Variants in CEP43 observed in about 807,000 individuals in gnomAD.
The protein encoded by CEP43 is centrosomal protein 43.
In CEP43, 36 loss-of-function variants were observed where a neutral mutation model predicts 52.6. The ratio of observed to expected loss-of-function variants is 0.68; its 90% confidence interval spans 0.52 to 0.90. The LOEUF is 0.90. Among genes scored for constraint, CEP43 ranks in the 40% least tolerant of loss-of-function variants. The pLI is 0.00. For synonymous variants in CEP43, 192 were observed against 172.4 expected, an observed-to-expected ratio of 1.11 and a Z score of -0.89; for missense variants, 506 against 472.8, an observed-to-expected ratio of 1.07 and a Z score of -0.65.
intron 5 of CEP43, among the ~76,000 whole-genome samples, chr6:167,006,072 C>G (rs1368411656): frequency 6.6e-6 from 1 of 152,188 alleles, no homozygotes; most frequent in Non-Finnish European, 1.5e-5. Flanking sequence ...TCCTTATCTG[C>G]AACATGGAGA....
rs545377884 is a variant in CEP43, at chr6:167,002,716, A to G, written c.157-477A>G. Among the ~76,000 whole-genome samples, 60 of 152,318 alleles carry G rather than the reference A, an allele frequency of 3.9e-4. No homozygotes were observed. The South Asian group carries it at 0.011, about 29-fold the overall frequency. ...GATGGTCTAGAAGTATTTTTTCCATACTTATTCAAATAAATGTATAATTAC... is the reference window on the plus strand; with the variant it reads ...GATGGTCTAGAAGTATTTTTTCCATGCTTATTCAAATAAATGTATAATTAC... On this transcript the variant is annotated intron_variant, in intron 2 of 12. Coordinates refer to ENST00000366847, the MANE Select transcript of CEP43 (RefSeq NM_007045.4).
chr6:167,033,099 CTTTTTTTTTTTTTTT>C lies in CEP43; in HGVS notation c.1028+472_1028+486del, dbSNP rs71032896. ...TCTGCCCTAATAAGATTGCCATTCT[CTTTTTTTTTTTTTTT>C]TTTTTTTTTTTTTTGAGACAGAGTC... On this transcript the variant is annotated intron_variant, in intron 11 of 12. Coordinates refer to ENST00000366847, the MANE Select transcript of CEP43 (RefSeq NM_007045.4). 3.7e-4 allele frequency among the ~76,000 whole-genome samples: 25 copies of C among 68,352 alleles called. 1 individual carries two copies. Among genetic ancestry groups the C allele is most frequent in the Admixed American group, 3.4e-3 (13 of 3,794 alleles). The allele number at this position is 68,352 out of a possible 152,430, so 44.8% of individuals were successfully genotyped here. A position where few individuals can be genotyped will look rare whatever the true frequency, so the allele number is the denominator to read the frequency against.
chr6:167,027,860 T>C, intron 10 of CEP43: 4 of 985,530 alleles, frequency 4.1e-6, no homozygotes, highest in African/African-American at 1.7e-5. Context: ...TTTCCCCCCA[T>C]TTGCAGAAGA....
Position 167,028,241 on chromosome 6 carries a change from G to T in CEP43, c.988+1626G>T, listed in dbSNP as rs556977578. On this transcript the variant is annotated intron_variant, in intron 10 of 12. Transcript: ENST00000366847. ...GCTCTATTCTCTTACCAAAGCGAGGGTTTTCCCTCCTGTTTCTGAGTGGGG... is the reference window on the plus strand; with the variant it reads ...GCTCTATTCTCTTACCAAAGCGAGGTTTTTCCCTCCTGTTTCTGAGTGGGG... 343 of 985,372 alleles carry T rather than the reference G, an allele frequency of 3.5e-4. No homozygotes were observed. The African/African-American group carries it at 5.7e-3, about 16-fold the overall frequency. 61.0% of individuals were successfully genotyped at this position (985,372 alleles called of 1,614,324 possible). A position where few individuals can be genotyped will look rare whatever the true frequency, so the allele number is the denominator to read the frequency against.
At position 167,051,067 on chromosome 6, in the gene CEP43, G is replaced by A. The variant is rs1407586070; in HGVS notation, c.*11089G>A. 1.3e-5 allele frequency: 2 copies of A among 152,164 alleles called. No individual in the cohort carries two copies. Among genetic ancestry groups the A allele is most frequent in the African/African-American group, 4.8e-5 (2 of 41,436 alleles). 9.4% of individuals were successfully genotyped at this position (152,164 alleles called of 1,614,324 possible). On this transcript the variant is annotated 3_prime_UTR_variant, in exon 13 of 13. Transcript: ENST00000366847. The stretch of plus-strand genomic sequence containing the variant: ...TAAATGTTTCTTGTGTACTAAGTCA[G>A]CTTCTGGGTGGGGGCCAGAGGACCA...
Position 167,041,828 on chromosome 6 carries a change from TG to T in CEP43, c.*1851del. Reference sequence around the variant, plus strand: ...GTCAGCACTACATACATCTTTTTTTTGCGGGGGGCGGGGGGGACAGAGTCTC... The same window carrying T: ...GTCAGCACTACATACATCTTTTTTTTCGGGGGGCGGGGGGGACAGAGTCTC... On this transcript the variant is annotated 3_prime_UTR_variant, in exon 13 of 13. Coordinates refer to ENST00000366847, the MANE Select transcript of CEP43 (RefSeq NM_007045.4). 6.2e-6 allele frequency: 1 copy of T among 160,864 alleles called. No homozygotes were observed. The highest frequency in any genetic ancestry group is 7.1e-6 in the Non-Finnish European group (1 of 140,908). 10.0% of individuals were successfully genotyped at this position (160,864 alleles called of 1,614,324 possible).
In CEP43 at chr6:167,041,437, C is replaced by G; in HGVS notation, c.*1459C>G. ...TCCGTCTGTGAGCTGCTATCTCAGT[C>G]TCCTTCAGCTCTTCATGTCTTAGTA... On this transcript the variant is annotated 3_prime_UTR_variant, in exon 13 of 13. Transcript: ENST00000366847. 5 of 1,060,284 alleles carry G rather than the reference C, an allele frequency of 4.7e-6. No homozygotes were observed. Among genetic ancestry groups the G allele is most frequent in the Non-Finnish European group, 5.7e-6 (5 of 876,084 alleles). 65.7% of individuals were successfully genotyped at this position (1,060,284 alleles called of 1,614,324 possible).
chr6:167,004,796 T>A (rs556988202), intron 5 of CEP43, among the ~76,000 whole-genome samples: 1 of 152,322 alleles, frequency 6.6e-6, no homozygotes, highest in South Asian at 2.1e-4. Flanking sequence ...GCTATTATTT[T>A]TATTAAAACA....
At position 167,041,611 on chromosome 6, in the gene CEP43, TA is replaced by T; in HGVS notation, c.*1634del. The T allele has an allele frequency of 1.9e-6, 2 of 1,043,462 alleles. No homozygotes were observed. Among genetic ancestry groups the T allele is most frequent in the Non-Finnish European group, 1.2e-6 (1 of 865,224 alleles). 64.6% of individuals were successfully genotyped at this position (1,043,462 alleles called of 1,614,324 possible). A position where few individuals can be genotyped will look rare whatever the true frequency, so the allele number is the denominator to read the frequency against. The stretch of plus-strand genomic sequence containing the variant: ...TGGAATCTGGATCACATGTATGATT[TA>T]TTTTTAATATTTGATAGGAACTAGG... On this transcript the variant is annotated 3_prime_UTR_variant, in exon 13 of 13. Transcript: ENST00000366847.
chr6:167,009,163 G>A (rs975325091), intron 5 of CEP43, among the ~76,000 whole-genome samples: 3 of 151,690 alleles, frequency 2.0e-5, no homozygotes, highest in East Asian at 2.0e-4. Context: ...AGGCCAAGGC[G>A]GGTGGATCAC....
rs568114685 is a variant in CEP43 at position 167,034,144 on chromosome 6, A to G, written c.1125+173A>G. Among the ~76,000 whole-genome samples the G allele has an allele frequency of 5.3e-5, 8 of 152,288 alleles. No homozygotes were observed. The East Asian group carries it at 1.5e-3, about 29-fold the overall frequency. ...AGAATGTCTTTGATGAATGTGTAAGATTGGTTTTGGTTGTCACTTCCTTTG... is the reference window on the plus strand; with the variant it reads ...AGAATGTCTTTGATGAATGTGTAAGGTTGGTTTTGGTTGTCACTTCCTTTG... On this transcript the variant is annotated intron_variant, in intron 12 of 12. Coordinates refer to ENST00000366847, the MANE Select transcript of CEP43 (RefSeq NM_007045.4).
chr6:167,019,854 G>A (rs538470760), intron 7 of CEP43, among the ~76,000 whole-genome samples: 25 of 151,972 alleles, frequency 1.6e-4, no homozygotes, highest in African/African-American at 6.0e-4. Flanking sequence ...AATTCTTGGG[G>A]AAATCAGAAT....
At chr6:167,027,262 C>G (rs574162115) in intron 10 of CEP43, among the ~76,000 whole-genome samples, 2 of 152,116 alleles carry the variant, frequency 1.3e-5, no homozygotes, top group African/African-American at 2.4e-5. Context: ...TGAACATTAC[C>G]GAGCCCTGGG....
intron 7 of CEP43, among the ~76,000 whole-genome samples, chr6:167,019,583 C>T (rs1220990184): frequency 6.6e-6 from 1 of 152,134 alleles, no homozygotes; most frequent in Non-Finnish European, 1.5e-5. Flanking sequence ...AGAGCAGTTC[C>T]AAAGCAGATT....
chr6:167,025,876 C>T (rs957588387), intron 9 of CEP43, among the ~76,000 whole-genome samples: 1 of 152,168 alleles, frequency 6.6e-6, no homozygotes, highest in African/African-American at 2.4e-5. Flanking sequence ...GTGAGGATGT[C>T]ACTTTAGTAA....
At position 167,040,648 on chromosome 6, in the gene CEP43, A is replaced by G; in HGVS notation, c.*670A>G. 2 of 1,029,316 alleles carry G rather than the reference A, an allele frequency of 1.9e-6. No homozygotes were observed. Among genetic ancestry groups the G allele is most frequent in the Non-Finnish European group, 2.3e-6 (2 of 854,484 alleles). 63.8% of individuals were successfully genotyped at this position (1,029,316 alleles called of 1,614,324 possible). A position where few individuals can be genotyped will look rare whatever the true frequency, so the allele number is the denominator to read the frequency against. ...TTTAATTCATAGAATTGTCAATAAC[A>G]TAACATTTGCAATCGTCATTCCTCC... is the stretch of plus-strand genomic sequence containing the variant. On this transcript the variant is annotated 3_prime_UTR_variant, in exon 13 of 13. Coordinates refer to ENST00000366847, the MANE Select transcript of CEP43 (RefSeq NM_007045.4).
rs78929321 is a variant in CEP43, at chr6:167,031,835, T to G, written c.989-768T>G. On this transcript the variant is annotated intron_variant, in intron 10 of 12. Transcript: ENST00000366847. ...TCCTGGGAGGGAAGGGCTGCTGATT[T>G]GCAAATTTGTCCTTTATAGCCTTAA... is the stretch of plus-strand genomic sequence containing the variant. Among the ~76,000 whole-genome samples the G allele has an allele frequency of 4.6e-3, 706 of 152,324 alleles. 8 individuals are homozygous for G. Among genetic ancestry groups the G allele is most frequent in the African/African-American group, 0.016 (674 of 41,574 alleles).
chr6:167,027,810 G>A lies in CEP43; in HGVS notation c.988+1195G>A, dbSNP rs1461860629. The A allele has an allele frequency of 5.5e-6, 5 of 906,862 alleles. No homozygotes were observed. In the African/African-American group the frequency reaches 7.2e-5, roughly 13 times the overall value. 56.2% of individuals were successfully genotyped at this position (906,862 alleles called of 1,614,324 possible). On this transcript the variant is annotated intron_variant, in intron 10 of 12. Coordinates refer to ENST00000366847, the MANE Select transcript of CEP43 (RefSeq NM_007045.4). ...AAATTAAAGTACAGTGGCTGGCATGGTAGGTGCCTAGTAAATGTTAGTTTT... is the reference window on the plus strand; with the variant it reads ...AAATTAAAGTACAGTGGCTGGCATGATAGGTGCCTAGTAAATGTTAGTTTT...
intron 8 of CEP43, among the ~76,000 whole-genome samples, chr6:167,023,323 C>G (rs1780281889): frequency 6.6e-6 from 1 of 152,098 alleles, no homozygotes; most frequent in South Asian, 2.1e-4. Flanking sequence ...CTTAGAGTTT[C>G]CAGTTAGGAG....
Sources: gnomAD v4.1 joint callset for allele counts (sites outside exome capture counted in the v4.1 genomes callset) on GRCh38, gnomAD v4.1.1 for gene constraint, MANE v1.5 for transcripts, NCBI Gene and HGNC (gene_info 2026-07-23, HGNC 2026-07-21) for gene names.